UBR2: variants seen among roughly 807,000 people sequenced by gnomAD.
UBR2 encodes the protein E3 ubiquitin-protein ligase UBR2.
Under a neutral mutation model 247.9 loss-of-function variants are expected in UBR2, and 92 were observed. The ratio of observed to expected loss-of-function variants is 0.37; its 90% CI spans 0.31 to 0.44. The LOEUF (loss-of-function observed/expected upper bound fraction) is 0.44. UBR2 is among the 20% of genes least tolerant of loss of function. The probability of loss-of-function intolerance (pLI) is 1.00; values close to 1 mark genes in which losing one functional copy is unlikely to be tolerated. For missense variants in UBR2, 1,613 were observed against 2,112.6 expected (o/e 0.76, Z 4.64); for synonymous variants, 672 against 693.5 (o/e 0.97, Z 0.49).
chr6:42,668,787 T>C (rs1798266258), intron 34 of UBR2, among the ~76,000 whole-genome samples: 1 of 151,970 alleles, frequency 6.6e-6, no homozygotes, highest in South Asian at 2.1e-4. Context: ...GTTGTCCAGG[T>C]TGGCCTTGAA....
At chr6:42,666,984 G>A (rs954393615) in intron 34 of UBR2, among the ~76,000 whole-genome samples, 1 of 152,154 alleles carries the variant, frequency 6.6e-6, no homozygotes, top group African/African-American at 2.4e-5. Context: ...GTGACATAAT[G>A]TACGTAGAGC....
Position 42,637,020 on chromosome 6 carries a change from T to G in UBR2, c.1684T>G (p.Leu562Val). Residue 562 changes from leucine to valine, a missense_variant, in exon 15 of 47, where the codon TTA becomes GTA. By Grantham distance (32) the Leu-to-Val change is conservative. Transcript: ENST00000372901. ...AAACCCTCTTTTTTAGGAAAAAGTG[T>G]TAATCGAAGCTTACAAGAAATGTCT... The part of the protein sequence containing the change: ...QDWCASDEKV[L>V]IEAYKKCLAV... 1 of 1,604,300 alleles carries G rather than the reference T, an allele frequency of 6.2e-7. No homozygotes were observed. The highest frequency in any genetic ancestry group is 8.5e-7 in the Non-Finnish European group (1 of 1,175,864).
chr6:42,683,197 C>G (rs1799158409), intron 43 of UBR2, 86 bp downstream of exon 43: 1 of 1,104,998 alleles, frequency 9.0e-7, no homozygotes, highest in African/African-American at 1.6e-5. Flanking sequence ...CAGAAACTGA[C>G]TTCTCAAGCC....
At chr6:42,622,332 T>C (rs1462858394) in intron 11 of UBR2, among the ~76,000 whole-genome samples, 1 of 151,626 alleles carries the variant, frequency 6.6e-6, no homozygotes, top group Non-Finnish European at 1.5e-5. Flanking sequence ...ATTCTTCTTT[T>C]GTTAGATTTA....
chr6:42,687,231 C>T (rs1448167721), intron 44 of UBR2, among the ~76,000 whole-genome samples: 1 of 152,246 alleles, frequency 6.6e-6, no homozygotes, highest in Non-Finnish European at 1.5e-5. Flanking sequence ...CTCTGCAATC[C>T]TGGCACCTCG....
At chr6:42,678,784 G>A in intron 41 of UBR2, 115 bp downstream of exon 41, 1 of 1,143,346 alleles carries the variant, frequency 8.7e-7, no homozygotes, top group Non-Finnish European at 1.2e-6. Flanking sequence ...ATAGCTTATT[G>A]ACTATGGTGA....
intron 5 of UBR2, among the ~76,000 whole-genome samples, chr6:42,604,679 A>G (rs1326274488): frequency 6.6e-6 from 1 of 152,146 alleles, no homozygotes; most frequent in Non-Finnish European, 1.5e-5. Context: ...TTTAAGGCAA[A>G]TTCTGATTAT....
At chr6:42,647,740 G>A (rs1160099724) in intron 21 of UBR2, among the ~76,000 whole-genome samples, 1 of 152,116 alleles carries the variant, frequency 6.6e-6, no homozygotes. Flanking sequence ...CAAGAAATTA[G>A]TGCAACTATT....
rs557906651 is a variant in UBR2 at position 42,641,205 on chromosome 6, T to C, written c.1921-377T>C. On this transcript the variant is annotated intron_variant, in intron 16 of 46. Coordinates refer to ENST00000372901, the MANE Select transcript of UBR2 (RefSeq NM_001363705.2). The stretch of plus-strand genomic sequence containing the variant: ...AAGGCCAGGCACAGTGGCCCACACC[T>C]GTAATCGCAGCACTTTGGGAAGCTG... Among the ~76,000 whole-genome samples the C allele has an allele frequency of 2.6e-5, 4 of 152,218 alleles. No individual in the cohort carries two copies. The East Asian group carries it at 7.7e-4, about 29-fold the overall frequency.
At chr6:42,632,506 TA>T in intron 11 of UBR2, 45 bp from the exon 12 acceptor site, 1 of 1,512,106 alleles carries the variant, frequency 6.6e-7, no homozygotes, top group Non-Finnish European at 8.8e-7. Context: ...GTCTTCCTAG[TA>T]CATAGTTTTT....
chr6:42,644,595 A>G lies in UBR2; in HGVS notation c.2284+59A>G, dbSNP rs1297198556. The stretch of plus-strand genomic sequence containing the variant: ...TACACTGACGTTTATAGTAGCAAAT[A>G]GTTTGGAATTTCTGGCCTGTGTTTC... On this transcript the variant is annotated intron_variant, in intron 20 of 46. Coordinates refer to ENST00000372901, the MANE Select transcript of UBR2 (RefSeq NM_001363705.2). 11 of 1,443,858 alleles carry G rather than the reference A, an allele frequency of 7.6e-6. No homozygotes were observed. The East Asian group carries it at 2.5e-4, about 33-fold the overall frequency. The allele number at this position is 1,443,858 out of a possible 1,614,324, so 89.4% of individuals were successfully genotyped here. A position where few individuals can be genotyped will look rare whatever the true frequency, so the allele number is the denominator to read the frequency against.
At chr6:42,652,358 G>C in intron 24 of UBR2, 133 bp from the exon 25 acceptor site, 1 of 1,123,436 alleles carries the variant, frequency 8.9e-7, no homozygotes. Context: ...ATTTGACCTT[G>C]AGAATGTAAA....
At chr6:42,686,330 C>T (rs1314077039) in intron 44 of UBR2, among the ~76,000 whole-genome samples, 1 of 151,618 alleles carries the variant, frequency 6.6e-6, no homozygotes, top group African/African-American at 2.4e-5. Flanking sequence ...GCACATCTTG[C>T]ACCGCCCTTA....
intron 2 of UBR2, among the ~76,000 whole-genome samples, chr6:42,581,380 C>T (rs188775698): frequency 9.2e-5 from 14 of 151,890 alleles, no homozygotes; most frequent in African/African-American, 2.7e-4. Flanking sequence ...TAGTAGAGAC[C>T]GGGTTTCGCC....
At chr6:42,670,357 A>G in intron 35 of UBR2, 117 bp downstream of exon 35, 4 of 1,316,458 alleles carry the variant, frequency 3.0e-6, no homozygotes, top group Non-Finnish European at 4.2e-6. Context: ...AAGAAATAAT[A>G]AAAAGACTTA....
chr6:42,644,679 C>A, intron 20 of UBR2, 143 bp downstream of exon 20: 2 of 669,730 alleles, frequency 3.0e-6, no homozygotes, highest in Non-Finnish European at 5.0e-6. Flanking sequence ...TTCTCTTTTT[C>A]TCCCCTCTGG....
rs1469819047 is a variant in UBR2, at chr6:42,689,748, G to C, written c.5126+78G>C. Reference sequence around the variant, plus strand: ...TGTGGTGACGTCCTGAGGGTGGAGGGCTGAGGTGGTTCTGGAAGAGGTGGC... The same window carrying C: ...TGTGGTGACGTCCTGAGGGTGGAGGCCTGAGGTGGTTCTGGAAGAGGTGGC... On this transcript the variant is annotated intron_variant, in intron 46 of 46. Transcript: ENST00000372901. The surrounding 1 kb of genome is among the most constrained non-coding windows in gnomAD (Gnocchi z 4.0). The C allele has an allele frequency of 7.7e-7, 1 of 1,299,518 alleles. No homozygotes were observed. The highest frequency in any genetic ancestry group is 1.1e-6 in the Non-Finnish European group (1 of 898,628). The allele number at this position is 1,299,518 out of a possible 1,614,324, so 80.5% of individuals were successfully genotyped here. A position where few individuals can be genotyped will look rare whatever the true frequency, so the allele number is the denominator to read the frequency against.
chr6:42,691,796 T>TG lies in UBR2; in HGVS notation c.*623_*624insG, dbSNP rs1799767497. The TG allele has an allele frequency of 1.4e-5, 1 of 72,810 alleles. No homozygotes were observed. The highest frequency in any genetic ancestry group is 5.9e-5 in the African/African-American group (1 of 16,942). The allele number at this position is 72,810 out of a possible 1,614,324, so 4.5% of individuals were successfully genotyped here. On this transcript the variant is annotated 3_prime_UTR_variant, in exon 47 of 47. Transcript: ENST00000372901. ...GGCTGTTAGAGGTTTTTTTTTTTTC[T>TG]TTTTTTTTTTATGGCAAGACTTTTG...
At chr6:42,686,095 AT>A (rs1436916586) in intron 44 of UBR2, among the ~76,000 whole-genome samples, 5 of 150,466 alleles carry the variant, frequency 3.3e-5, no homozygotes, top group Non-Finnish European at 5.9e-5. Context: ...TTTAATTAGT[AT>A]TTATTGATCA....
Sources: gnomAD v4.1 joint callset for allele counts (sites outside exome capture counted in the v4.1 genomes callset) on GRCh38, gnomAD v4.1.1 for gene constraint, Gnocchi (gnomAD v3.1) non-coding constraint, MANE v1.5 for transcripts, NCBI Gene and HGNC (gene_info 2026-07-23, HGNC 2026-07-21) for gene names.